The following THBS2 variants were observed in gnomAD, a reference collection of about 807,000 sequenced individuals.
The protein encoded by THBS2 is thrombospondin-2.
THBS2 carries 47 observed loss-of-function variants against 135.2 expected under a neutral mutation model. The ratio of observed to expected loss-of-function variants is 0.35; its 90% CI spans 0.28 to 0.44. THBS2 has a LOEUF of 0.44. Among genes scored for constraint, THBS2 ranks in the 20% least tolerant of loss-of-function variants. The pLI, the probability that THBS2 is intolerant of heterozygous loss-of-function variation, is 1.00. For synonymous variants in THBS2, 639 were observed against 633.8 expected (o/e 1.01, Z -0.12); for missense variants, 1,288 against 1,603.1 (o/e 0.80, Z 3.36).
In THBS2 at chr6:169,250,731, A is replaced by G. The variant is rs1305503820; in HGVS notation, c.52+2T>C. On this transcript the variant is annotated splice_donor_variant, in intron 2 of 21. Coordinates refer to ENST00000617924, the MANE Select transcript of THBS2 (RefSeq NM_003247.5). LOFTEE classifies it high-confidence loss of function. ...GAGACCACAGGCTCTGAGGACACTC[A>G]CCTTGCGTGCTGGGCCACACCCACA... 1 of 1,613,272 alleles carries G rather than the reference A, an allele frequency of 6.2e-7. No homozygotes were observed. The highest frequency in any genetic ancestry group is 8.5e-7 in the Non-Finnish European group (1 of 1,179,654).
intron 9 of THBS2, among the ~76,000 whole-genome samples, chr6:169,236,186 A>G (rs1175644134): frequency 2.2e-5 from 1 of 45,614 alleles, no homozygotes; most frequent in Admixed American, 3.2e-4. Context: ...CTCATTCCCC[A>G]TCCACACTCA....
rs746235502 is a variant in THBS2, at chr6:169,223,429, GT to G, written c.2819del (p.Asn940ThrfsTer61). 6.2e-7 allele frequency: 1 copy of G among 1,614,142 alleles called. No homozygotes were observed. The highest frequency in any genetic ancestry group is 8.5e-7 in the Non-Finnish European group (1 of 1,180,038). ...GACACACATCATCAATATCTGGGATGTTGTCATTGTCAAAATCATCTTTACA... is the reference window on the plus strand; with the variant it reads ...GACACACATCATCAATATCTGGGATGTGTCATTGTCAAAATCATCTTTACA... ...DICKDDFDND[N>X]IPDIDDVCPE... On this transcript the variant is annotated frameshift_variant, in exon 18 of 22. Coordinates refer to ENST00000617924, the MANE Select transcript of THBS2 (RefSeq NM_003247.5). LOFTEE classifies it high-confidence loss of function.
rs369164998 is a variant in THBS2 at position 169,234,879 on chromosome 6, C to T, written c.1506G>A (p.Pro502=). 1.6e-4 allele frequency: 254 copies of T among 1,611,138 alleles called. 1 individual carries two copies. The South Asian group carries it at 1.9e-3, about 12-fold the overall frequency. The part of the protein sequence containing the change: ...PIDGRWSPWS[P]WSACTVTCAG... ...CACAGGTGACAGTGCAGGCCGACCA[C>T]GGGGACCAGGGGCTCCAGCGGCCAT... is the stretch of plus-strand genomic sequence containing the variant. Residue 502 remains proline, a synonymous_variant, in exon 10 of 22, where the codon CCG becomes CCA. Coordinates refer to ENST00000617924, the MANE Select transcript of THBS2 (RefSeq NM_003247.5).
In THBS2 at chr6:169,231,963, C is replaced by T. The variant is rs778044852; in HGVS notation, c.2151+17G>A. 2.9e-5 allele frequency: 47 copies of T among 1,611,890 alleles called. No homozygotes were observed. Among genetic ancestry groups the T allele is most frequent in the Admixed American group, 3.3e-5 (2 of 59,932 alleles). On this transcript the variant is annotated intron_variant, in intron 13 of 21. Transcript: ENST00000617924. The stretch of plus-strand genomic sequence containing the variant: ...GACCGCCGTGGCCCCGTGTGCCCTG[C>T]GAGCCCCGCGCCTCACCTTGATGCA...
chr6:169,223,615 T>G (rs1049234872), intron 17 of THBS2, 140 bp from the exon 18 acceptor site: 3 of 674,724 alleles, frequency 4.4e-6, no homozygotes, highest in Non-Finnish European at 7.5e-6. Context: ...TGCTTTGCAG[T>G]GTTTTGTGGA....
intron 1 of THBS2, chr6:169,251,952 T>A (rs988226256): frequency 6.6e-6 from 1 of 151,858 alleles, no homozygotes; most frequent in Non-Finnish European, 1.5e-5. Context: ...GGCTGAGCAA[T>A]GCTGAGCACC....
rs73043895 is a variant in THBS2, at chr6:169,241,287, G to A, written c.891+475C>T. Reference sequence around the variant, plus strand: ...CAGGCATCGCTCTCTCTTCCTGGCCGCGCTGTGCCGCTCAAACCCATTTCA... The same window carrying A: ...CAGGCATCGCTCTCTCTTCCTGGCCACGCTGTGCCGCTCAAACCCATTTCA... On this transcript the variant is annotated intron_variant, in intron 5 of 21. Coordinates refer to ENST00000617924, the MANE Select transcript of THBS2 (RefSeq NM_003247.5). The surrounding 1 kb of genome is among the most constrained non-coding windows in gnomAD (Gnocchi z 5.5). Among the ~76,000 whole-genome samples the A allele has an allele frequency of 0.17, 26,430 of 152,050 alleles. 2,932 individuals are homozygous for A. The highest frequency in any genetic ancestry group is 0.41 in the East Asian group (2,116 of 5,142).
chr6:169,241,427 A>ATG lies in THBS2; in HGVS notation c.891+333_891+334dup, dbSNP rs1222960538. Among the ~76,000 whole-genome samples the ATG allele has an allele frequency of 1.3e-5, 1 of 75,958 alleles. No homozygotes were observed. The highest frequency in any genetic ancestry group is 2.6e-5 in the Non-Finnish European group (1 of 39,204). The allele number at this position is 75,958 out of a possible 152,430, so 49.8% of individuals were successfully genotyped here. On this transcript the variant is annotated intron_variant, in intron 5 of 21. Transcript: ENST00000617924. The surrounding 1 kb of genome is among the most constrained non-coding windows in gnomAD (Gnocchi z 5.5). ...TGTGTGTGTGTGTGTATGTGTGTGT[A>ATG]TGTGTGTGTGTATGTGTGTGTGTGT...
chr6:169,243,147 TTCCCACCTTCCCACATTCCCACCTC>T (rs1780426196), intron 4 of THBS2, among the ~76,000 whole-genome samples: 1 of 138,718 alleles, frequency 7.2e-6, no homozygotes, highest in Non-Finnish European at 1.5e-5. Context: ...CGCTCCCACC[TTCCCACCTTCCCACATTCCCACCTC>T]TCCCACCTTC....
chr6:169,215,992 AT>A lies in THBS2; in HGVS notation c.*1829del, dbSNP rs1779158756. On this transcript the variant is annotated 3_prime_UTR_variant, in exon 22 of 22. Transcript: ENST00000617924. ...AAATAATTTACAAAAAATATGGTAC[AT>A]TCTAAATACTCACATCATCGTCACT... 2 of 152,586 alleles carry A rather than the reference AT, an allele frequency of 1.3e-5. No homozygotes were observed. Among genetic ancestry groups the A allele is most frequent in the East Asian group, 3.9e-4 (2 of 5,190 alleles). The allele number at this position is 152,586 out of a possible 1,614,324, so 9.5% of individuals were successfully genotyped here.
chr6:169,225,045 G>A (rs1428974116), intron 17 of THBS2, 100 bp downstream of exon 17: 1 of 1,194,014 alleles, frequency 8.4e-7, no homozygotes, highest in Admixed American at 1.9e-5. Flanking sequence ...CCTTTTTCCA[G>A]CAGCAGATTT....
chr6:169,239,807 G>T, intron 6 of THBS2, 112 bp from the exon 7 acceptor site: 1 of 781,474 alleles, frequency 1.3e-6, no homozygotes, highest in South Asian at 1.6e-5. Context: ...TCCATCCTAC[G>T]GACCATACAT....
At chr6:169,228,922 AAGAGTT>A (rs1307206522) in intron 14 of THBS2, among the ~76,000 whole-genome samples, 5 of 147,934 alleles carry the variant, frequency 3.4e-5, no homozygotes, top group Admixed American at 6.7e-5. Context: ...AAAAAAAAAA[AAGAGTT>A]AGCCCTCGCC....
In THBS2 at chr6:169,223,425, G is replaced by A. The variant is rs774888915; in HGVS notation, c.2824C>T (p.Pro942Ser). The A allele has an allele frequency of 4.0e-5, 65 of 1,613,924 alleles. No homozygotes were observed. The highest frequency in any genetic ancestry group is 5.9e-6 in the Non-Finnish European group (7 of 1,180,024). ...TCAGGACACACATCATCAATATCTG[G>A]GATGTTGTCATTGTCAAAATCATCT... ...CKDDFDNDNI[P>S]DIDDVCPENN... Residue 942 changes from proline to serine, a missense_variant, in exon 18 of 22, where the codon CCA (proline) becomes TCA (serine). Transcript: ENST00000617924.
In THBS2 at chr6:169,252,253, A is replaced by C. The variant is rs949511861; in HGVS notation, c.-22-1447T>G. On this transcript the variant is annotated intron_variant, in intron 1 of 21. Transcript: ENST00000617924. The surrounding 1 kb of genome is among the most constrained non-coding windows in gnomAD (Gnocchi z 4.3). ...TTCTATGGAGCTCTTAAGAGGGTTT[A>C]ATGACAGGAGCGAACACTTGGCCAT... 7.9e-5 allele frequency: 12 copies of C among 152,200 alleles called. No homozygotes were observed. Among genetic ancestry groups the C allele is most frequent in the Admixed American group, 3.9e-4 (6 of 15,276 alleles). 9.4% of individuals were successfully genotyped at this position (152,200 alleles called of 1,614,324 possible).
At chr6:169,225,502 G>T in intron 16 of THBS2, 123 bp from the exon 17 acceptor site, 2 of 979,818 alleles carry the variant, frequency 2.0e-6, no homozygotes, top group Non-Finnish European at 3.0e-6. Context: ...CCAGGGCCAC[G>T]CAGGGGCGGC....
intron 18 of THBS2, among the ~76,000 whole-genome samples, 158 bp from the exon 19 acceptor site, chr6:169,222,626 C>G (rs996110825): frequency 6.6e-6 from 1 of 151,966 alleles, no homozygotes; most frequent in Non-Finnish European, 1.5e-5. Flanking sequence ...GAAACCTTGT[C>G]TCTACTAAAA....
Position 169,250,738 on chromosome 6 carries a change from G to A in THBS2, c.47C>T (p.Thr16Met), listed in dbSNP as rs142358231. 1.9e-5 allele frequency: 30 copies of A among 1,613,362 alleles called. No homozygotes were observed. Among genetic ancestry groups the A allele is most frequent in the African/African-American group, 5.3e-5 (4 of 74,922 alleles). ...VLLALWVWPS[T>M]QAGHQDKDTT... is the part of the protein sequence containing the mutation. The stretch of plus-strand genomic sequence containing the variant: ...CAGGCTCTGAGGACACTCACCTTGC[G>A]TGCTGGGCCACACCCACAGAGCCAG... Residue 16 changes from threonine to methionine, a missense_variant, in exon 2 of 22, where the codon ACG becomes ATG. Transcript: ENST00000617924.
At chr6:169,240,959 G>A (rs1218455538) in intron 5 of THBS2, among the ~76,000 whole-genome samples, 1 of 152,126 alleles carries the variant, frequency 6.6e-6, no homozygotes, top group African/African-American at 2.4e-5. Flanking sequence ...ACGACAGGCA[G>A]GGATACAGCC....
Sources: allele counts gnomAD v4.1 joint callset (sites outside exome capture counted in the v4.1 genomes callset), GRCh38; gene constraint gnomAD v4.1.1; non-coding constraint Gnocchi (gnomAD v3.1); transcripts MANE v1.5; gene names NCBI Gene and HGNC (gene_info 2026-07-23, HGNC 2026-07-21).